TAFA4: variants seen among roughly 807,000 people sequenced by gnomAD.
TAFA4 encodes the protein TAFA chemokine like family member 4.
Under a neutral mutation model 21.1 loss-of-function variants are expected in TAFA4, and 20 were observed. The observed-to-expected ratio is 0.95, with a 90% confidence interval of 0.67 to 1.38. The LOEUF (loss-of-function observed/expected upper bound fraction) is 1.38, where lower values mean the gene tolerates loss of function less well. Ranked by LOEUF, TAFA4 falls within the 40% of genes most tolerant of loss-of-function variation. The pLI is 0.00. For synonymous variants in TAFA4, 71 were observed against 67.4 expected, an observed-to-expected ratio of 1.05 and a Z score of -0.26; for missense variants, 211 against 180.9, an observed-to-expected ratio of 1.17 and a Z score of -0.95.
chr3:68,919,282 C>T (rs1242706476), intron 1 of TAFA4, among the ~76,000 whole-genome samples: 3 of 152,146 alleles, frequency 2.0e-5, no homozygotes, highest in Non-Finnish European at 4.4e-5. Flanking sequence ...AGGCAGCCCC[C>T]GTCAGGACAG....
chr3:68,768,520 T>C (rs748904597), intron 3 of TAFA4, among the ~76,000 whole-genome samples: 1 of 152,172 alleles, frequency 6.6e-6, no homozygotes, highest in African/African-American at 2.4e-5. Context: ...GTACAGCCAT[T>C]ATGGAAACCA....
At chr3:68,790,444 A>G (rs1444269080) in intron 3 of TAFA4, among the ~76,000 whole-genome samples, 1 of 152,184 alleles carries the variant, frequency 6.6e-6, no homozygotes, top group East Asian at 1.9e-4. Flanking sequence ...CAATAATTAC[A>G]TTAAATGTAA....
At chr3:68,902,835 A>C (rs2089857784) in intron 1 of TAFA4, among the ~76,000 whole-genome samples, 1 of 152,226 alleles carries the variant, frequency 6.6e-6, no homozygotes, top group Admixed American at 6.5e-5. Context: ...AGGCCTGTTC[A>C]TCCTACAATA....
At chr3:68,795,710 T>C (rs13321204) in intron 3 of TAFA4, among the ~76,000 whole-genome samples, 42,812 of 151,960 alleles carry the variant, frequency 0.28, 7,199 homozygotes, top group Non-Finnish European at 0.39. Context: ...GAGCTACTGT[T>C]TGAAGCTCAA....
chr3:68,813,590 C>T (rs139282555), intron 3 of TAFA4, among the ~76,000 whole-genome samples: 142 of 152,250 alleles, frequency 9.3e-4, no homozygotes, highest in African/African-American at 2.9e-3. Context: ...TTCCTCAACA[C>T]GTACACCCTC....
At position 68,810,650 on chromosome 3, in the gene TAFA4, T is replaced by C. The variant is rs911406416; in HGVS notation, c.131-57632A>G. 1.2e-4 allele frequency among the ~76,000 whole-genome samples: 18 copies of C among 152,220 alleles called. 1 individual carries two copies. Among genetic ancestry groups the C allele is most frequent in the African/African-American group, 4.3e-4 (18 of 41,548 alleles). On this transcript the variant is annotated intron_variant, in intron 3 of 5. Coordinates refer to ENST00000295569, the MANE Select transcript of TAFA4 (RefSeq NM_182522.5). ...AGGGGCGCCCACCATTGCCGAGGCT[T>C]GAGTAGGTAAACAAAGCAGCCAGGA...
chr3:68,820,841 A>G (rs1007535354), intron 3 of TAFA4, among the ~76,000 whole-genome samples: 2 of 152,234 alleles, frequency 1.3e-5, no homozygotes, highest in African/African-American at 4.8e-5. Flanking sequence ...TTACTTGTCA[A>G]TTAAAAAAAT....
At chr3:68,734,493 A>C (rs1165268314) in intron 5 of TAFA4, among the ~76,000 whole-genome samples, 5 of 152,128 alleles carry the variant, frequency 3.3e-5, no homozygotes. Context: ...AGTTAAATGC[A>C]AGGACTTTGG....
At chr3:68,829,855 C>A (rs1234330946) in intron 3 of TAFA4, among the ~76,000 whole-genome samples, 2 of 152,168 alleles carry the variant, frequency 1.3e-5, no homozygotes, top group African/African-American at 4.8e-5. Context: ...ATTATTGCCT[C>A]AATTTCAGAG....
At chr3:68,787,582 G>A (rs1470528335) in intron 3 of TAFA4, among the ~76,000 whole-genome samples, 5 of 152,050 alleles carry the variant, frequency 3.3e-5, no homozygotes, top group East Asian at 1.9e-4. Flanking sequence ...CACGGGACTC[G>A]TCCTTGAGCC....
chr3:68,928,433 G>T (rs912121671), intron 1 of TAFA4, among the ~76,000 whole-genome samples: 2 of 152,122 alleles, frequency 1.3e-5, no homozygotes, highest in Non-Finnish European at 1.5e-5. Context: ...TTAATAGATT[G>T]ATATTCTGAG....
chr3:68,807,895 A>T lies in TAFA4; in HGVS notation c.131-54877T>A, dbSNP rs76596719. On this transcript the variant is annotated intron_variant, in intron 3 of 5. Transcript: ENST00000295569. ...ATTGCAAGTATCTGGTAACAACAAT[A>T]TGTCCTCTGGTGTTGTCATGCCAGA... Among the ~76,000 whole-genome samples the T allele has an allele frequency of 3.3e-5, 5 of 152,256 alleles. No homozygotes were observed. In the East Asian group the frequency reaches 9.7e-4, roughly 29 times the overall value.
intron 3 of TAFA4, among the ~76,000 whole-genome samples, chr3:68,837,464 C>T (rs948370563): frequency 1.3e-5 from 2 of 152,170 alleles, no homozygotes; most frequent in African/African-American, 4.8e-5. Flanking sequence ...TCCACTCCAG[C>T]CAATAGCTAA....
chr3:68,823,071 A>T (rs796225841), intron 3 of TAFA4, among the ~76,000 whole-genome samples: 1 of 152,150 alleles, frequency 6.6e-6, no homozygotes, highest in Non-Finnish European at 1.5e-5. Flanking sequence ...GACTCTTAAT[A>T]TAAGTATCAA....
chr3:68,885,540 T>C (rs1024543007), intron 1 of TAFA4, among the ~76,000 whole-genome samples: 5 of 152,156 alleles, frequency 3.3e-5, no homozygotes, highest in African/African-American at 1.2e-4. Flanking sequence ...CACCACATAG[T>C]TGTAAAGAAC....
chr3:68,920,270 C>G (rs532617216), intron 1 of TAFA4, among the ~76,000 whole-genome samples: 1 of 152,162 alleles, frequency 6.6e-6, no homozygotes, highest in Non-Finnish European at 1.5e-5. Flanking sequence ...TAAAATGACA[C>G]TACTTAAGTG....
At chr3:68,742,249 A>G (rs908895078) in intron 4 of TAFA4, among the ~76,000 whole-genome samples, 3 of 101,146 alleles carry the variant, frequency 3.0e-5, no homozygotes, top group Non-Finnish European at 6.2e-5. Context: ...CAAGACATGG[A>G]TATCTACGCT....
chr3:68,739,324 T>C (rs1015739144), intron 4 of TAFA4, 125 bp from the exon 5 acceptor site: 27 of 1,179,608 alleles, frequency 2.3e-5, no homozygotes, highest in South Asian at 2.0e-4. Flanking sequence ...GGTTGGTAAA[T>C]TGAAGGAATC....
intron 3 of TAFA4, among the ~76,000 whole-genome samples, chr3:68,852,159 G>A (rs1006877662): frequency 3.9e-5 from 6 of 152,282 alleles, no homozygotes; most frequent in African/African-American, 4.8e-5. Flanking sequence ...CAAGACTGAC[G>A]GAGGCCAATA....
Sources: gnomAD v4.1 joint callset for allele counts (sites outside exome capture counted in the v4.1 genomes callset) on GRCh38, gnomAD v4.1.1 for gene constraint, MANE v1.5 for transcripts, NCBI Gene and HGNC (gene_info 2026-07-23, HGNC 2026-07-21) for gene names.